CSRNP3: variants seen among roughly 807,000 people sequenced by gnomAD.
CSRNP3 encodes the protein cysteine/serine-rich nuclear protein 3.
A neutral mutation model predicts 48.0 loss-of-function variants in CSRNP3; 12 were observed. The ratio of observed to expected loss-of-function variants is 0.25; its 90% CI spans 0.16 to 0.41. CSRNP3 has a LOEUF of 0.41. Among genes scored for constraint, CSRNP3 ranks in the 10% least tolerant of loss-of-function variants. The pLI is 1.00. For missense variants in CSRNP3, 580 were observed against 724.4 expected (o/e 0.80, Z 2.29); for synonymous variants, 263 against 269.7 (o/e 0.98, Z 0.24).
chr2:165,607,889 C>T (rs1405795457), intron 4 of CSRNP3, among the ~76,000 whole-genome samples: 2 of 151,816 alleles, frequency 1.3e-5, no homozygotes, highest in Non-Finnish European at 2.9e-5. Context: ...TCTTCTTTCG[C>T]AAAATGTGAG....
chr2:165,608,780 T>TA (rs951374745), intron 4 of CSRNP3, among the ~76,000 whole-genome samples: 3 of 50,146 alleles, frequency 6.0e-5, no homozygotes, highest in Non-Finnish European at 1.4e-4. Flanking sequence ...GTTAAAAATG[T>TA]AAAAAAATTA....
intron 3 of CSRNP3, among the ~76,000 whole-genome samples, chr2:165,542,169 T>A (rs1013097142): frequency 6.6e-6 from 1 of 152,160 alleles, no homozygotes; most frequent in African/African-American, 2.4e-5. Flanking sequence ...CATTTCCTTC[T>A]CTGGGAAACT....
chr2:165,476,585 G>A (rs777651714), intron 1 of CSRNP3, among the ~76,000 whole-genome samples: 8 of 152,234 alleles, frequency 5.3e-5, no homozygotes, highest in Non-Finnish European at 1.2e-4. Flanking sequence ...TTCTAGAAAT[G>A]CATCATTTGA....
chr2:165,644,167 G>T (rs748912510), intron 4 of CSRNP3, among the ~76,000 whole-genome samples: 5 of 152,052 alleles, frequency 3.3e-5, no homozygotes, highest in Non-Finnish European at 5.9e-5. Context: ...TGGAGCCAGG[G>T]TTAGTTTGTC....
intron 1 of CSRNP3, among the ~76,000 whole-genome samples, chr2:165,475,597 C>A (rs1289387201): frequency 1.3e-5 from 2 of 152,186 alleles, no homozygotes; most frequent in African/African-American, 4.8e-5. Context: ...TAATACAATG[C>A]CTGATACACA....
rs539669471 is a variant in CSRNP3 at position 165,683,377 on chromosome 2, A to C, written c.*3624A>C. ...CTGAATTCCTTCCCTCCAAAAAAAA[A>C]CTATGAGTTGCAAAAACACTAGTTA... is the stretch of plus-strand genomic sequence containing the variant. On this transcript the variant is annotated 3_prime_UTR_variant, in exon 7 of 7. Transcript: ENST00000651982. The C allele has an allele frequency of 1.3e-5, 2 of 152,062 alleles. No homozygotes were observed. The highest frequency in any genetic ancestry group is 4.8e-5 in the African/African-American group (2 of 41,404). The allele number at this position is 152,062 out of a possible 1,614,324, so 9.4% of individuals were successfully genotyped here.
chr2:165,613,577 C>G (rs1686176527), intron 4 of CSRNP3, among the ~76,000 whole-genome samples: 1 of 152,052 alleles, frequency 6.6e-6, no homozygotes. Context: ...TTTTTGTATA[C>G]AGTGAGAGAT....
At chr2:165,619,588 T>TACAAACACACACAC (rs1366420907) in intron 4 of CSRNP3, among the ~76,000 whole-genome samples, 1 of 151,846 alleles carries the variant, frequency 6.6e-6, no homozygotes, top group Non-Finnish European at 1.5e-5. Flanking sequence ...TCTACACACA[T>TACAAACACACACAC]ACAAACACAC....
chr2:165,563,039 A>G (rs1685254336), intron 3 of CSRNP3, among the ~76,000 whole-genome samples: 1 of 152,168 alleles, frequency 6.6e-6, no homozygotes, highest in African/African-American at 2.4e-5. Context: ...TAGACTGAAA[A>G]TGTGCTTCTA....
intron 4 of CSRNP3, among the ~76,000 whole-genome samples, chr2:165,597,897 G>A (rs1319131941): frequency 6.6e-6 from 1 of 151,956 alleles, no homozygotes; most frequent in Non-Finnish European, 1.5e-5. Context: ...CCTTGAAATC[G>A]GTACTCATTT....
intron 3 of CSRNP3, among the ~76,000 whole-genome samples, chr2:165,581,767 C>T (rs1018567068): frequency 2.0e-5 from 3 of 152,096 alleles, no homozygotes; most frequent in Non-Finnish European, 2.9e-5. Flanking sequence ...GAACTACCGA[C>T]CTCAGGCAAT....
In CSRNP3 at chr2:165,680,970, T is replaced by C. The variant is rs557179680; in HGVS notation, c.*1217T>C. 6.6e-6 allele frequency: 1 copy of C among 152,304 alleles called. No individual in the cohort carries two copies. Among genetic ancestry groups the C allele is most frequent in the South Asian group, 2.1e-4 (1 of 4,824 alleles). 9.4% of individuals were successfully genotyped at this position (152,304 alleles called of 1,614,324 possible). A position where few individuals can be genotyped will look rare whatever the true frequency, so the allele number is the denominator to read the frequency against. On this transcript the variant is annotated 3_prime_UTR_variant, in exon 7 of 7. Transcript: ENST00000651982. The stretch of plus-strand genomic sequence containing the variant: ...GATTGAAGGGGGGCCTCTACCCAAA[T>C]ACTCAACTAGGCCTTTCTTTTCTGA...
At chr2:165,626,171 C>T (rs544466668) in intron 4 of CSRNP3, among the ~76,000 whole-genome samples, 2 of 151,038 alleles carry the variant, frequency 1.3e-5, no homozygotes, top group African/African-American at 2.4e-5. Flanking sequence ...TGCAGTGAGC[C>T]GAGATCATGC....
intron 3 of CSRNP3, among the ~76,000 whole-genome samples, chr2:165,547,312 A>G (rs1369158548): frequency 2.0e-5 from 3 of 152,186 alleles, no homozygotes; most frequent in Non-Finnish European, 4.4e-5. Flanking sequence ...GTTTCTGGAC[A>G]TGGAATTATC....
intron 2 of CSRNP3, among the ~76,000 whole-genome samples, chr2:165,503,231 A>G (rs965679864): frequency 5.3e-5 from 8 of 151,976 alleles, no homozygotes; most frequent in African/African-American, 1.9e-4. Flanking sequence ...TATGTATTTA[A>G]ATCTTTAGTC....
intron 3 of CSRNP3, among the ~76,000 whole-genome samples, chr2:165,535,611 CA>C (rs1684871367): frequency 6.6e-6 from 1 of 151,712 alleles, no homozygotes; most frequent in Non-Finnish European, 1.5e-5. Flanking sequence ...CTGGCCTTGG[CA>C]AATTTTATGT....
At chr2:165,597,533 A>G (rs12618634) in intron 4 of CSRNP3, among the ~76,000 whole-genome samples, 72,931 of 151,880 alleles carry the variant, frequency 0.48, 17,641 homozygotes, top group African/African-American at 0.52. Context: ...TTTGCCAGAC[A>G]TTTAGTAGAA....
intron 4 of CSRNP3, among the ~76,000 whole-genome samples, chr2:165,617,693 G>T (rs1686272113): frequency 6.6e-6 from 1 of 152,218 alleles, no homozygotes; most frequent in Admixed American, 6.5e-5. Flanking sequence ...GCAGGTGTGT[G>T]GTGGTCCCAC....
intron 4 of CSRNP3, among the ~76,000 whole-genome samples, chr2:165,627,784 T>G (rs2105323942): frequency 6.6e-6 from 1 of 152,312 alleles, no homozygotes; most frequent in Admixed American, 6.5e-5. Context: ...TTATTTGTTC[T>G]TCACCACCCA....
Sources: gnomAD v4.1 joint callset for allele counts (sites outside exome capture counted in the v4.1 genomes callset) on GRCh38, gnomAD v4.1.1 for gene constraint, MANE v1.5 for transcripts, NCBI Gene and HGNC (gene_info 2026-07-23, HGNC 2026-07-21) for gene names.